The following DOCK5 variants were observed in gnomAD, a reference collection of about 807,000 sequenced individuals.
DOCK5 encodes dedicator of cytokinesis 5.
Under a neutral mutation model 251.8 loss-of-function variants are expected in DOCK5, and 142 were observed. That is an observed-to-expected ratio of 0.56 (90% CI 0.49 to 0.65). DOCK5 has a LOEUF of 0.65. DOCK5 is among the 30% of genes least tolerant of loss of function. The pLI is 0.00. For missense variants in DOCK5, 2,111 were observed against 2,312.3 expected (o/e 0.91, Z 1.79); for synonymous variants, 842 against 835.5 (o/e 1.01, Z -0.13).
At chr8:25,380,196 C>A in intron 38 of DOCK5, 109 bp from the exon 39 acceptor site, 2 of 910,240 alleles carry the variant, frequency 2.2e-6, no homozygotes, top group South Asian at 1.5e-5. Context: ...TACCGAAACT[C>A]AATCCCCCAG....
intron 1 of DOCK5, among the ~76,000 whole-genome samples, chr8:25,203,420 A>T (rs1477399419): frequency 6.6e-6 from 1 of 152,180 alleles, no homozygotes; most frequent in African/African-American, 2.4e-5. Flanking sequence ...ACAAATTCAG[A>T]AATAGTTTGA....
intron 1 of DOCK5, among the ~76,000 whole-genome samples, chr8:25,206,811 C>T (rs1802012525): frequency 6.6e-6 from 1 of 152,184 alleles, no homozygotes; most frequent in Non-Finnish European, 1.5e-5. Context: ...TGTTTTGCCA[C>T]AGGGGCAAAA....
At chr8:25,324,379 G>C (rs375437193) in intron 17 of DOCK5, among the ~76,000 whole-genome samples, 1 of 152,108 alleles carries the variant, frequency 6.6e-6, no homozygotes, top group Non-Finnish European at 1.5e-5. Flanking sequence ...TGCTCTGGGG[G>C]CCTTATTTCC....
chr8:25,295,813 GTATT>G (rs564617241), intron 6 of DOCK5, among the ~76,000 whole-genome samples: 7 of 151,956 alleles, frequency 4.6e-5, no homozygotes, highest in African/African-American at 9.7e-5. Flanking sequence ...ATGTGTGTAT[GTATT>G]TATTTATTTA....
chr8:25,297,603 G>A (rs1044762076), intron 7 of DOCK5, among the ~76,000 whole-genome samples: 5 of 151,750 alleles, frequency 3.3e-5, no homozygotes, highest in Non-Finnish European at 5.9e-5. Context: ...TGGTCAGGCC[G>A]GTCTCAAACT....
Position 25,323,867 on chromosome 8 carries a change from AGCATTTGGGGTG to A in DOCK5, c.1638_1649del (p.Gly548_Phe551del). On this transcript the variant is annotated inframe_deletion, in exon 17 of 52. Coordinates refer to ENST00000276440, the MANE Select transcript of DOCK5 (RefSeq NM_024940.8). ...TTTCAGCCAGAGATAAATCGGAGCG[AGCATTTGGGGTG>A]GCCTTCGTGAAGCTGATGAACCCGG... 2 of 1,613,404 alleles carry A rather than the reference AGCATTTGGGGTG, an allele frequency of 1.2e-6. No homozygotes were observed. Among genetic ancestry groups the A allele is most frequent in the Non-Finnish European group, 1.7e-6 (2 of 1,179,722 alleles).
intron 1 of DOCK5, among the ~76,000 whole-genome samples, chr8:25,228,274 G>A (rs1243779804): frequency 6.6e-6 from 1 of 152,342 alleles, no homozygotes; most frequent in East Asian, 1.9e-4. Context: ...CTTAGAAAAA[G>A]TTATGGCAAT....
chr8:25,366,988 G>A lies in DOCK5; in HGVS notation c.3224+18G>A, dbSNP rs772632409. The A allele has an allele frequency of 1.3e-6, 2 of 1,598,938 alleles. No individual in the cohort carries two copies. Among genetic ancestry groups the A allele is most frequent in the East Asian group, 2.2e-5 (1 of 44,722 alleles). On this transcript the variant is annotated intron_variant, in intron 31 of 51. Transcript: ENST00000276440. ...GTTAAAAAGTAAGTGTCCTTTTAAAGTTAAGATCGGGAAGGGGCTTCTTCC... is the reference window on the plus strand; with the variant it reads ...GTTAAAAAGTAAGTGTCCTTTTAAAATTAAGATCGGGAAGGGGCTTCTTCC...
At chr8:25,373,782 A>G in intron 36 of DOCK5, 124 bp downstream of exon 36, 1 of 856,530 alleles carries the variant, frequency 1.2e-6, no homozygotes, top group Non-Finnish European at 1.8e-6. Flanking sequence ...AAAGTACATG[A>G]TACGCTCCAT....
At chr8:25,286,267 TCAACGC>T (rs1273502793) in intron 5 of DOCK5, among the ~76,000 whole-genome samples, 1 of 152,116 alleles carries the variant, frequency 6.6e-6, no homozygotes, top group Non-Finnish European at 1.5e-5. Flanking sequence ...AAAATTTGAT[TCAACGC>T]CAACTGAGTG....
chr8:25,382,759 G>T lies in DOCK5; in HGVS notation c.4112G>T (p.Gly1371Val), dbSNP rs781611473. Residue 1371 changes from glycine (G) to valine (V), a missense_variant, in exon 40 of 52, where the codon GGC (glycine) becomes GTC (valine). This residue lies in a region of DOCK5 where 1,717 missense variants were observed against 1,892.4 expected (regional missense o/e 0.91). Coordinates refer to ENST00000276440, the MANE Select transcript of DOCK5 (RefSeq NM_024940.8). ...TTTGCTGTTGGATACTATGGACAGG[G>T]CTTTCCTTCTTTCCTACGGGTAAGA... Reference protein sequence around the residue: ...EYFAVGYYGQGFPSFLRNKIF... With the variant: ...EYFAVGYYGQVFPSFLRNKIF... 6.2e-7 allele frequency: 1 copy of T among 1,613,544 alleles called. No homozygotes were observed. The highest frequency in any genetic ancestry group is 1.7e-5 in the Admixed American group (1 of 59,946).
At chr8:25,402,761 T>G (rs1160885327) in intron 47 of DOCK5, among the ~76,000 whole-genome samples, 1 of 152,170 alleles carries the variant, frequency 6.6e-6, no homozygotes, top group Non-Finnish European at 1.5e-5. Context: ...GGTCTTATTC[T>G]TAAACCCCTT....
chr8:25,317,311 C>A, intron 14 of DOCK5, 180 bp downstream of exon 14: 1 of 626,254 alleles, frequency 1.6e-6, no homozygotes, highest in Non-Finnish European at 2.6e-6. Context: ...AGGAAGCTAT[C>A]TAGACTCTTC....
intron 26 of DOCK5, among the ~76,000 whole-genome samples, chr8:25,348,058 G>A (rs1030458749): frequency 6.6e-6 from 1 of 152,148 alleles, no homozygotes; most frequent in African/African-American, 2.4e-5. Context: ...AAGTCCAATC[G>A]TTTTTTGTCC....
At position 25,210,074 on chromosome 8, in the gene DOCK5, GTCTATTTA is replaced by G. The variant is rs1199002228; in HGVS notation, c.43+25129_43+25136del. 7.9e-3 allele frequency among the ~76,000 whole-genome samples: 164 copies of G among 20,762 alleles called. 50 individuals are homozygous for G. The highest frequency in any genetic ancestry group is 9.2e-3 in the Non-Finnish European group (70 of 7,636). 13.6% of individuals were successfully genotyped at this position (20,762 alleles called of 152,430 possible). A position where few individuals can be genotyped will look rare whatever the true frequency, so the allele number is the denominator to read the frequency against. On this transcript the variant is annotated intron_variant, in intron 1 of 51. Coordinates refer to ENST00000276440, the MANE Select transcript of DOCK5 (RefSeq NM_024940.8). The stretch of plus-strand genomic sequence containing the variant: ...TGTGTGTGTGTGTGTGTGTGTATCT[GTCTATTTA>G]TCTATCTATCTATCTATCTATCTAT...
intron 5 of DOCK5, among the ~76,000 whole-genome samples, chr8:25,284,392 T>TAC (rs1414101668): frequency 2.0e-5 from 3 of 152,222 alleles, no homozygotes; most frequent in Non-Finnish European, 4.4e-5. Flanking sequence ...CTAGAAGATT[T>TAC]AGTGACGTTT....
intron 38 of DOCK5, among the ~76,000 whole-genome samples, chr8:25,380,042 G>A (rs562925117): frequency 6.6e-6 from 1 of 152,218 alleles, no homozygotes; most frequent in Admixed American, 6.5e-5. Flanking sequence ...GCTTTTTTGG[G>A]CGACACATGG....
intron 13 of DOCK5, among the ~76,000 whole-genome samples, chr8:25,314,652 C>A (rs1805190296): frequency 7.6e-6 from 1 of 131,142 alleles, no homozygotes; most frequent in Non-Finnish European, 1.6e-5. Context: ...TCTAACCGTC[C>A]ACCTATCCAA....
At position 25,333,964 on chromosome 8, in the gene DOCK5, G is replaced by A. The variant is rs538105750; in HGVS notation, c.2092-132G>A. 1.6e-3 allele frequency: 1,091 copies of A among 681,530 alleles called. 9 individuals are homozygous for A. Among genetic ancestry groups the A allele is most frequent in the South Asian group, 9.0e-3 (523 of 58,222 alleles). The allele number at this position is 681,530 out of a possible 1,614,324, so 42.2% of individuals were successfully genotyped here. On this transcript the variant is annotated intron_variant, in intron 20 of 51. Transcript: ENST00000276440. ...ATCCTCAAGACTTGACATCAGCTCT[G>A]GAATAGTAGAGTGGGAATGCTGCAG...
Sources: gnomAD v4.1 joint callset for allele counts (sites outside exome capture counted in the v4.1 genomes callset) on GRCh38, gnomAD v4.1.1 for gene constraint, gnomAD v4.1.1 regional missense constraint, MANE v1.5 for transcripts, NCBI Gene and HGNC (gene_info 2026-07-23, HGNC 2026-07-21) for gene names.